Variants in UNC13C observed in about 807,000 individuals in gnomAD.
UNC13C encodes the protein protein unc-13 homolog C.
UNC13C carries 174 observed loss-of-function variants against 245.4 expected under a neutral mutation model. The observed-to-expected ratio is 0.71, with a 90% confidence interval of 0.63 to 0.80. UNC13C has a LOEUF of 0.80. Among genes scored for constraint, UNC13C ranks in the 30% least tolerant of loss-of-function variants. The probability of loss-of-function intolerance (pLI) is 0.00; values close to 1 mark genes in which losing one functional copy is unlikely to be tolerated. For synonymous variants in UNC13C, 992 were observed against 895.1 expected (o/e 1.11, Z -1.93); for missense variants, 2,829 against 2,602.9 (o/e 1.09, Z -1.89).
intron 28 of UNC13C, among the ~76,000 whole-genome samples, chr15:54,553,432 T>C (rs915920231): frequency 1.6e-4 from 22 of 134,366 alleles, no homozygotes; most frequent in African/African-American, 4.9e-4. Context: ...TTATATATAA[T>C]ATATAATATA....
At chr15:53,987,722 A>G (rs991073) in intron 1 of UNC13C, among the ~76,000 whole-genome samples, 145,221 of 152,078 alleles carry the variant, frequency 0.95, 69,410 homozygotes, top group Middle Eastern at 0.99. Context: ...TGAAACATGC[A>G]CACAAAATTC....
At chr15:54,409,982 A>T (rs1355178853) in intron 18 of UNC13C, among the ~76,000 whole-genome samples, 1 of 152,190 alleles carries the variant, frequency 6.6e-6, no homozygotes, top group East Asian at 1.9e-4. Context: ...ATTAATTTAC[A>T]TTCCCACTAG....
At chr15:54,276,254 C>A (rs2036828890) in intron 10 of UNC13C, among the ~76,000 whole-genome samples, 1 of 151,984 alleles carries the variant, frequency 6.6e-6, no homozygotes. Context: ...TATGCCAAGA[C>A]CTAAAAATAT....
intron 19 of UNC13C, among the ~76,000 whole-genome samples, chr15:54,479,326 A>G (rs930079474): frequency 1.3e-5 from 2 of 152,048 alleles, no homozygotes; most frequent in African/African-American, 2.4e-5. Context: ...TGATTATTAT[A>G]TAATGTTCTT....
intron 17 of UNC13C, among the ~76,000 whole-genome samples, chr15:54,383,610 TG>T (rs767953808): frequency 2.0e-4 from 31 of 152,094 alleles, no homozygotes; most frequent in Admixed American, 5.2e-4. Context: ...ATGAAACAAA[TG>T]GTGAAAAATG....
chr15:54,057,429 C>T (rs1368288137), intron 2 of UNC13C, among the ~76,000 whole-genome samples: 7 of 151,056 alleles, frequency 4.6e-5, no homozygotes, highest in Non-Finnish European at 1.0e-4. Context: ...AATATATATG[C>T]ACCCAATACA....
chr15:54,238,182 C>A (rs1282133051), intron 7 of UNC13C, among the ~76,000 whole-genome samples: 1 of 146,276 alleles, frequency 6.8e-6, no homozygotes, highest in Admixed American at 7.1e-5. Context: ...TCAAGCAATT[C>A]TCCTGCCTCA....
chr15:54,197,219 G>A (rs1046202813), intron 4 of UNC13C, among the ~76,000 whole-genome samples: 3 of 152,180 alleles, frequency 2.0e-5, no homozygotes, highest in African/African-American at 7.2e-5. Flanking sequence ...GCTCACGCCT[G>A]TAATCCCAGC....
intron 2 of UNC13C, among the ~76,000 whole-genome samples, chr15:54,085,169 T>C (rs1899165683): frequency 6.6e-6 from 1 of 152,072 alleles, no homozygotes; most frequent in African/African-American, 2.4e-5. Flanking sequence ...TTTACAGATA[T>C]CAGAGAACTA....
intron 30 of UNC13C, among the ~76,000 whole-genome samples, chr15:54,589,289 C>CTTCT (rs1898651054): frequency 1.5e-4 from 8 of 53,492 alleles, no homozygotes; most frequent in African/African-American, 4.8e-4. Context: ...TCTTCTTCTT[C>CTTCT]TTTTTTTTTT....
In UNC13C at chr15:54,435,976, T is replaced by C. The variant is rs373864228; in HGVS notation, c.4933+20909T>C. On this transcript the variant is annotated intron_variant, in intron 19 of 32. Coordinates refer to ENST00000260323, the MANE Select transcript of UNC13C (RefSeq NM_001080534.3). ...GACAGTTATGTGGCCAAGAAACATA[T>C]GAGAAAAAGCTCATCATCACTGGTC... Among the ~76,000 whole-genome samples the C allele has an allele frequency of 2.3e-4, 35 of 151,814 alleles. 2 individuals carry two copies. In the South Asian group the frequency reaches 6.2e-3, roughly 27 times the overall value.
At position 54,251,337 on chromosome 15, in the gene UNC13C, AT is replaced by A. The variant is rs558102121; in HGVS notation, c.3448+898del. 3.1e-3 allele frequency among the ~76,000 whole-genome samples: 477 copies of A among 152,130 alleles called. 2 individuals are homozygous for A. The highest frequency in any genetic ancestry group is 5.3e-3 in the Non-Finnish European group (359 of 67,996). On this transcript the variant is annotated intron_variant, in intron 8 of 32. Transcript: ENST00000260323. ...AAATATTTTAACTTCTTGAGGCTTT[AT>A]TTTTCTCCACTCTATGGGCAGGAAT...
chr15:54,501,221 G>A (rs926227651), intron 22 of UNC13C, among the ~76,000 whole-genome samples: 14 of 151,944 alleles, frequency 9.2e-5, no homozygotes, highest in South Asian at 2.1e-4. Flanking sequence ...ACTTATAATC[G>A]AAGAAATTAC....
chr15:54,172,342 C>A (rs1336261180), intron 4 of UNC13C, among the ~76,000 whole-genome samples: 1 of 151,774 alleles, frequency 6.6e-6, no homozygotes, highest in African/African-American at 2.4e-5. Flanking sequence ...GTATTGCATG[C>A]CTGTGTTAAA....
At position 54,549,682 on chromosome 15, in the gene UNC13C, C is replaced by T. The variant is rs746845171; in HGVS notation, c.5868C>T (p.Ser1956=). 4 of 1,594,614 alleles carry T rather than the reference C, an allele frequency of 2.5e-6. No individual in the cohort carries two copies. The South Asian group carries it at 4.6e-5, about 18-fold the overall frequency. The change falls in exon 28 of 33, where the codon TCC becomes TCT. Residue 1956 remains serine (S), a synonymous_variant. Coordinates refer to ENST00000260323, the MANE Select transcript of UNC13C (RefSeq NM_001080534.3). ...FIAAKDLGQL[S]KLKEHMIRED... is the part of the protein sequence containing the mutation. ...CAGCTAAAGATCTTGGACAATTATC[C>T]AAACTGAAGGTAATAAAAATAAGGA...
chr15:54,595,580 C>T (rs577387956), intron 30 of UNC13C, among the ~76,000 whole-genome samples: 37 of 152,254 alleles, frequency 2.4e-4, no homozygotes, highest in Non-Finnish European at 3.4e-4. Flanking sequence ...TCCTGCCTCT[C>T]GTTTGTCTTG....
At chr15:54,616,132 A>G (rs1279091726) in intron 30 of UNC13C, among the ~76,000 whole-genome samples, 3 of 152,064 alleles carry the variant, frequency 2.0e-5, no homozygotes, top group African/African-American at 7.2e-5. Context: ...CCTCTCATCA[A>G]TTTCTCAGCA....
At chr15:53,982,605 G>T (rs1161655592) in intron 1 of UNC13C, among the ~76,000 whole-genome samples, 1 of 152,106 alleles carries the variant, frequency 6.6e-6, no homozygotes, top group African/African-American at 2.4e-5. Flanking sequence ...TTATTAATGA[G>T]AAATCTTAAG....
intron 13 of UNC13C, among the ~76,000 whole-genome samples, chr15:54,304,738 G>T (rs1339079674): frequency 1.3e-5 from 2 of 149,550 alleles, no homozygotes; most frequent in African/African-American, 4.9e-5. Context: ...ATTAACTTTG[G>T]TGCAATTTTT....
Sources: gnomAD v4.1 joint callset for allele counts (sites outside exome capture counted in the v4.1 genomes callset) on GRCh38, gnomAD v4.1.1 for gene constraint, MANE v1.5 for transcripts, NCBI Gene and HGNC (gene_info 2026-07-23, HGNC 2026-07-21) for gene names.